The following MAPKAP1 variants were observed in gnomAD, a reference collection of about 807,000 sequenced individuals.
MAPKAP1 encodes the protein MAPK associated protein 1.
In MAPKAP1, 20 loss-of-function variants were observed where a neutral mutation model predicts 65.7. The ratio of observed to expected loss-of-function variants is 0.30; its 90% CI spans 0.21 to 0.44. MAPKAP1 has a LOEUF of 0.44. Among genes scored for constraint, MAPKAP1 ranks in the 20% least tolerant of loss-of-function variants. The pLI, the probability that MAPKAP1 is intolerant of heterozygous loss-of-function variation, is 1.00. For synonymous variants in MAPKAP1, 222 were observed against 244.3 expected (o/e 0.91, Z 0.85); for missense variants, 423 against 648.0 (o/e 0.65, Z 3.77).
At chr9:125,590,121 T>C (rs1287255499) in intron 4 of MAPKAP1, among the ~76,000 whole-genome samples, 1 of 152,218 alleles carries the variant, frequency 6.6e-6, no homozygotes, top group African/African-American at 2.4e-5. Context: ...CTGGAAGCAC[T>C]AGAACTAAGG....
At position 125,580,196 on chromosome 9, in the gene MAPKAP1, A is replaced by G. The variant is rs150678708; in HGVS notation, c.671+5359T>C. Among the ~76,000 whole-genome samples the G allele has an allele frequency of 5.4e-3, 829 of 152,350 alleles. 2 individuals carry two copies. Among genetic ancestry groups the G allele is most frequent in the Middle Eastern group, 0.017 (5 of 294 alleles). On this transcript the variant is annotated intron_variant, in intron 5 of 11. Coordinates refer to ENST00000265960, the MANE Select transcript of MAPKAP1 (RefSeq NM_001006617.3). ...CTATCCCATTACTGGGTATATACCC[A>G]AAGGATTATAAATCATGCTGCTATA...
At chr9:125,695,169 G>T (rs1022600692) in intron 1 of MAPKAP1, among the ~76,000 whole-genome samples, 1 of 152,114 alleles carries the variant, frequency 6.6e-6, no homozygotes, top group Non-Finnish European at 1.5e-5. Flanking sequence ...AGCTTCATTC[G>T]CTTGTAAACT....
Position 125,484,576 on chromosome 9 carries a change from C to T in MAPKAP1, c.1074G>A (p.Arg358=). The T allele has an allele frequency of 1.2e-6, 2 of 1,608,324 alleles. No individual in the cohort carries two copies. The highest frequency in any genetic ancestry group is 1.7e-6 in the Non-Finnish European group (2 of 1,177,290). Residue 358 remains arginine (R), a synonymous_variant, in exon 9 of 12, where the codon AGG becomes AGA. Coordinates refer to ENST00000265960, the MANE Select transcript of MAPKAP1 (RefSeq NM_001006617.3). The part of the protein sequence containing the change: ...EFCLVRENSS[R]ADGVFEEDSQ... ...AATCCTCCTCAAAAACCCCGTCTGC[C>T]CTTGAACCTGGGGAGGAAAAGGCAG...
intron 7 of MAPKAP1, among the ~76,000 whole-genome samples, chr9:125,542,004 A>C (rs900433087): frequency 1.3e-5 from 2 of 152,192 alleles, no homozygotes; most frequent in African/African-American, 4.8e-5. Flanking sequence ...GCAAGCATCC[A>C]AATTGCTTGC....
chr9:125,581,925 G>A (rs1204391468), intron 5 of MAPKAP1, among the ~76,000 whole-genome samples: 3 of 151,900 alleles, frequency 2.0e-5, no homozygotes, highest in Non-Finnish European at 4.4e-5. Flanking sequence ...TTCAGTTCTG[G>A]GAAATTCTTT....
intron 7 of MAPKAP1, among the ~76,000 whole-genome samples, chr9:125,511,174 CAT>C (rs1829290135): frequency 2.8e-5 from 4 of 143,970 alleles, no homozygotes; most frequent in African/African-American, 5.8e-5. Flanking sequence ...CCATCATCAT[CAT>C]CATCATCATC....
chr9:125,598,864 AC>A (rs971557101), intron 4 of MAPKAP1, among the ~76,000 whole-genome samples: 88 of 151,854 alleles, frequency 5.8e-4, no homozygotes, highest in African/African-American at 2.0e-3. Flanking sequence ...ACATGGCAAA[AC>A]CCCGTCTCTA....
At chr9:125,507,352 T>C (rs1739429043) in intron 7 of MAPKAP1, among the ~76,000 whole-genome samples, 1 of 152,222 alleles carries the variant, frequency 6.6e-6, no homozygotes, top group Non-Finnish European at 1.5e-5. Context: ...TGTCTTATTA[T>C]TTTGACTCTG....
At chr9:125,469,663 G>A (rs983856707) in intron 9 of MAPKAP1, among the ~76,000 whole-genome samples, 1 of 152,082 alleles carries the variant, frequency 6.6e-6, no homozygotes, top group Admixed American at 6.5e-5. Flanking sequence ...CTAATCGAAC[G>A]CTGGAATTTG....
chr9:125,679,880 C>G (rs924022135), intron 1 of MAPKAP1, among the ~76,000 whole-genome samples: 1 of 152,170 alleles, frequency 6.6e-6, no homozygotes, highest in African/African-American at 2.4e-5. Flanking sequence ...TCAGAATAGG[C>G]AACAGCCCGA....
chr9:125,595,514 T>G lies in MAPKAP1; in HGVS notation c.499-9787A>C. The G allele has an allele frequency of 1.8e-6, 2 of 1,113,242 alleles. No homozygotes were observed. Among genetic ancestry groups the G allele is most frequent in the Non-Finnish European group, 2.2e-6 (2 of 906,672 alleles). The allele number at this position is 1,113,242 out of a possible 1,614,324, so 69.0% of individuals were successfully genotyped here. The stretch of plus-strand genomic sequence containing the variant: ...ATTAATTTCAAAATCATATACCTGA[T>G]AGTTTCCAAAGTAGGAGAAGCAATA... On this transcript the variant is annotated intron_variant, in intron 4 of 11. Coordinates refer to ENST00000265960, the MANE Select transcript of MAPKAP1 (RefSeq NM_001006617.3). The surrounding 1 kb of genome is among the most constrained non-coding windows in gnomAD (Gnocchi z 4.0).
At chr9:125,536,760 G>A (rs937976670) in intron 7 of MAPKAP1, among the ~76,000 whole-genome samples, 11 of 152,226 alleles carry the variant, frequency 7.2e-5, no homozygotes, top group Non-Finnish European at 1.3e-4. Context: ...CCTATAGCCA[G>A]AAGATTCTTT....
chr9:125,569,462 T>A (rs1701810427), intron 5 of MAPKAP1, among the ~76,000 whole-genome samples: 1 of 152,326 alleles, frequency 6.6e-6, no homozygotes, highest in South Asian at 2.1e-4. Flanking sequence ...TGTCTATTCT[T>A]TTCTCCTCCG....
chr9:125,479,992 C>T (rs1028611275), intron 9 of MAPKAP1, among the ~76,000 whole-genome samples: 8 of 152,184 alleles, frequency 5.3e-5, no homozygotes, highest in Non-Finnish European at 1.2e-4. Flanking sequence ...ATTATTTACT[C>T]GTCTCAAAAT....
chr9:125,567,056 T>C (rs1423205829), intron 5 of MAPKAP1, among the ~76,000 whole-genome samples: 1 of 152,168 alleles, frequency 6.6e-6, no homozygotes, highest in African/African-American at 2.4e-5. Context: ...GTGTGAGTCA[T>C]GAAGCCTCTC....
intron 1 of MAPKAP1, among the ~76,000 whole-genome samples, chr9:125,673,718 A>G (rs910932018): frequency 1.3e-5 from 2 of 152,016 alleles, no homozygotes; most frequent in Middle Eastern, 3.2e-3. Context: ...CCAGGAGTTC[A>G]AGACCAACAT....
intron 4 of MAPKAP1, among the ~76,000 whole-genome samples, chr9:125,650,047 A>AC (rs1833849834): frequency 6.6e-6 from 1 of 151,894 alleles, no homozygotes; most frequent in South Asian, 2.1e-4. Context: ...CATCCTTCAA[A>AC]CCCCCTTCTA....
At chr9:125,543,859 A>C (rs1830335638) in intron 6 of MAPKAP1, among the ~76,000 whole-genome samples, 1 of 152,176 alleles carries the variant, frequency 6.6e-6, no homozygotes, top group Non-Finnish European at 1.5e-5. Flanking sequence ...GGCTTGTGTC[A>C]GTAGATGTCA....
At chr9:125,621,229 G>A (rs1325767467) in intron 4 of MAPKAP1, among the ~76,000 whole-genome samples, 3 of 151,974 alleles carry the variant, frequency 2.0e-5, no homozygotes, top group African/African-American at 4.8e-5. Flanking sequence ...CCGTGATCAT[G>A]CCACTGCACT....
Sources: gnomAD v4.1 joint callset for allele counts (sites outside exome capture counted in the v4.1 genomes callset) on GRCh38, gnomAD v4.1.1 for gene constraint, Gnocchi (gnomAD v3.1) non-coding constraint, MANE v1.5 for transcripts, NCBI Gene and HGNC (gene_info 2026-07-23, HGNC 2026-07-21) for gene names.